WDR17: variants seen among roughly 807,000 people sequenced by gnomAD.
The protein encoded by WDR17 is WD repeat domain 17.
In WDR17, 143 loss-of-function variants were observed where a neutral mutation model predicts 161.7. The observed-to-expected ratio is 0.88, with a 90% CI of 0.77 to 1.02. WDR17 has a LOEUF of 1.02. WDR17 is among the 50% of genes least tolerant of loss of function. The pLI, the probability that WDR17 is intolerant of heterozygous loss-of-function variation, is 0.00. For synonymous variants in WDR17, 517 were observed against 515.6 expected (o/e 1.00, Z -0.04); for missense variants, 1,469 against 1,520.9 (o/e 0.97, Z 0.57).
At chr4:176,142,140 T>A (rs1166256419) in intron 11 of WDR17, 71 bp downstream of exon 11, 2 of 1,287,702 alleles carry the variant, frequency 1.6e-6, no homozygotes, top group Non-Finnish European at 2.2e-6. Flanking sequence ...TAAAGTTTAG[T>A]GCTATTTCCA....
At position 176,160,036 on chromosome 4, in the gene WDR17, T is replaced by C. The variant is rs1355973698; in HGVS notation, c.2568T>C (p.Ile856=). ...TCCAGGAAGATAAGGATGATGTCAT[T>C]CCATACTGCATAGCCATTGGTGATG... The part of the protein sequence containing the change: ...QLIQEDKDDV[I]PYCIAIGDVK... Residue 856 remains isoleucine (I), a synonymous_variant, in exon 19 of 29, where the codon ATT becomes ATC. Coordinates refer to ENST00000508596, the MANE Select transcript of WDR17 (RefSeq NM_181265.4). 1 of 1,612,760 alleles carries C rather than the reference T, an allele frequency of 6.2e-7. No homozygotes were observed. The highest frequency in any genetic ancestry group is 1.3e-5 in the African/African-American group (1 of 74,920).
chr4:176,103,747 T>A (rs28825461), intron 1 of WDR17, among the ~76,000 whole-genome samples: 4,580 of 151,720 alleles, frequency 0.03, 190 homozygotes, highest in African/African-American at 0.096. Context: ...TGAAGAGAAG[T>A]AAGCAAAACC....
At chr4:176,127,642 A>G (rs1244603611) in intron 5 of WDR17, among the ~76,000 whole-genome samples, 1 of 152,184 alleles carries the variant, frequency 6.6e-6, no homozygotes, top group Non-Finnish European at 1.5e-5. Flanking sequence ...TTACTGAAAT[A>G]TGCTTCACAT....
intron 1 of WDR17, among the ~76,000 whole-genome samples, chr4:176,080,632 T>G (rs1734621484): frequency 6.6e-6 from 1 of 152,140 alleles, no homozygotes; most frequent in African/African-American, 2.4e-5. Context: ...GTTTTACTAA[T>G]TTTGCTAATT....
At chr4:176,152,017 C>G (rs538370000) in intron 17 of WDR17, 50 bp downstream of exon 17, 1 of 1,537,264 alleles carries the variant, frequency 6.5e-7, no homozygotes, top group Non-Finnish European at 8.8e-7. Context: ...GTAGTCTAAA[C>G]GTTAAGAATA....
chr4:176,158,314 A>C (rs1025987083), intron 18 of WDR17, among the ~76,000 whole-genome samples: 1 of 152,190 alleles, frequency 6.6e-6, no homozygotes, highest in African/African-American at 2.4e-5. Flanking sequence ...GGGACTGAGA[A>C]AAGTAGACAA....
chr4:176,077,749 T>C (rs1734236933), intron 1 of WDR17, among the ~76,000 whole-genome samples: 1 of 152,092 alleles, frequency 6.6e-6, no homozygotes, highest in East Asian at 1.9e-4. Context: ...ATTGATGTCA[T>C]TGTGACTCAG....
rs1752281713 is a variant in WDR17 at position 176,182,721 on chromosome 4, CTG to C, written c.*3145_*3146del. On this transcript the variant is annotated 3_prime_UTR_variant, in exon 29 of 29. Coordinates refer to ENST00000508596, the MANE Select transcript of WDR17 (RefSeq NM_181265.4). The surrounding 1 kb of genome is among the most constrained non-coding windows in gnomAD (Gnocchi z 4.2). ...TTCATGCTAAAATTATATATCATGA[CTG>C]TGCTATAATTTGGCATGTCATTATC... The C allele has an allele frequency of 6.6e-6, 1 of 151,968 alleles. No homozygotes were observed. Among genetic ancestry groups the C allele is most frequent in the African/African-American group, 2.4e-5 (1 of 41,380 alleles). The allele number at this position is 151,968 out of a possible 1,614,324, so 9.4% of individuals were successfully genotyped here.
intron 1 of WDR17, among the ~76,000 whole-genome samples, chr4:176,086,771 A>G (rs902323903): frequency 2.0e-5 from 3 of 151,664 alleles, no homozygotes; most frequent in Non-Finnish European, 3.0e-5. Flanking sequence ...CTCTTATTCA[A>G]TATGTAACTG....
At chr4:176,171,739 G>A (rs1346455307) in intron 23 of WDR17, among the ~76,000 whole-genome samples, 1 of 151,656 alleles carries the variant, frequency 6.6e-6, no homozygotes, top group Non-Finnish European at 1.5e-5. Flanking sequence ...ACTTACTTGA[G>A]AGAGGATCAG....
chr4:176,098,441 T>G (rs1158259213), intron 1 of WDR17, among the ~76,000 whole-genome samples: 1 of 152,052 alleles, frequency 6.6e-6, no homozygotes, highest in Non-Finnish European at 1.5e-5. Flanking sequence ...TTTCTTTACC[T>G]TTATATGTGA....
In WDR17 at chr4:176,175,683, G is replaced by A. The variant is rs567790311; in HGVS notation, c.3449+965G>A. On this transcript the variant is annotated intron_variant, in intron 26 of 28. Coordinates refer to ENST00000508596, the MANE Select transcript of WDR17 (RefSeq NM_181265.4). ...CACCATTCTCCTGCCTCAGCCTCCC[G>A]AGTAGCTGGGACTACAGGTGCCCGC... Among the ~76,000 whole-genome samples the A allele has an allele frequency of 2.3e-4, 34 of 147,534 alleles. 1 individual carries two copies. In the South Asian group the frequency reaches 6.3e-3, roughly 27 times the overall value.
At chr4:176,107,532 G>A (rs1300542474) in intron 1 of WDR17, among the ~76,000 whole-genome samples, 1 of 151,004 alleles carries the variant, frequency 6.6e-6, no homozygotes, top group East Asian at 1.9e-4. Flanking sequence ...AAGCAATCCA[G>A]GCGACAAATC....
intron 21 of WDR17, among the ~76,000 whole-genome samples, 160 bp downstream of exon 21, chr4:176,162,334 A>C (rs1481570851): frequency 6.6e-6 from 1 of 152,138 alleles, no homozygotes; most frequent in African/African-American, 2.4e-5. Context: ...GCACACATAA[A>C]CTATGAGCTC....
At chr4:176,169,084 G>A (rs149988590) in intron 23 of WDR17, among the ~76,000 whole-genome samples, 2,666 of 152,260 alleles carry the variant, frequency 0.018, 41 homozygotes, top group Non-Finnish European at 0.023. Flanking sequence ...ATTAGTTAGC[G>A]GTGGAGTGAG....
chr4:176,108,716 T>G (rs937359722), intron 1 of WDR17, among the ~76,000 whole-genome samples: 2 of 152,140 alleles, frequency 1.3e-5, no homozygotes, highest in African/African-American at 4.8e-5. Context: ...ATTGCTCAAT[T>G]TTGCTGTTTT....
intron 4 of WDR17, among the ~76,000 whole-genome samples, chr4:176,121,116 C>G (rs1429205428): frequency 6.6e-6 from 1 of 152,068 alleles, no homozygotes; most frequent in East Asian, 1.9e-4. Flanking sequence ...CTGGTTGTAC[C>G]AGGTTTACGT....
intron 22 of WDR17, among the ~76,000 whole-genome samples, chr4:176,167,939 G>T (rs1025291249): frequency 6.6e-6 from 1 of 151,826 alleles, no homozygotes; most frequent in African/African-American, 2.4e-5. Context: ...TTGAAGCCAG[G>T]AGTTTGAGAT....
intron 2 of WDR17, among the ~76,000 whole-genome samples, chr4:176,112,069 A>G (rs1161050264): frequency 6.6e-6 from 1 of 152,190 alleles, no homozygotes; most frequent in East Asian, 1.9e-4. Context: ...ATCCCTTATC[A>G]GTTCACAATT....
Sources: gnomAD v4.1 joint callset for allele counts (sites outside exome capture counted in the v4.1 genomes callset) on GRCh38, gnomAD v4.1.1 for gene constraint, Gnocchi (gnomAD v3.1) non-coding constraint, MANE v1.5 for transcripts, NCBI Gene and HGNC (gene_info 2026-07-23, HGNC 2026-07-21) for gene names.